Variants in ENOX1 observed in about 807,000 individuals in gnomAD.
ENOX1 encodes the protein candidate growth-related and time keeping constitutive hydroquinone (NADH) oxidase.
Under a neutral mutation model 82.5 loss-of-function variants are expected in ENOX1, and 42 were observed. The ratio of observed to expected loss-of-function variants is 0.51; its 90% CI spans 0.40 to 0.66. The LOEUF (loss-of-function observed/expected upper bound fraction) is 0.66. ENOX1 is among the 30% of genes least tolerant of loss of function. ENOX1 has a pLI of 0.00. For missense variants in ENOX1, 608 were observed against 811.6 expected, an observed-to-expected ratio of 0.75 and a Z score of 3.05; for synonymous variants, 271 against 282.2, an observed-to-expected ratio of 0.96 and a Z score of 0.40.
At chr13:43,676,439 G>T (rs1037225341) in intron 1 of ENOX1, among the ~76,000 whole-genome samples, 5 of 152,044 alleles carry the variant, frequency 3.3e-5, no homozygotes, top group Non-Finnish European at 4.4e-5. Context: ...CATCTACCAG[G>T]CTCTCCCTCA....
At chr13:43,711,174 G>C (rs1332363727) in intron 1 of ENOX1, among the ~76,000 whole-genome samples, 3 of 149,700 alleles carry the variant, frequency 2.0e-5, no homozygotes, top group Non-Finnish European at 4.4e-5. Context: ...GCGGTGTTTG[G>C]TTTTTTGTCC....
chr13:43,462,412 C>A lies in ENOX1; in HGVS notation c.-75+21597G>T, dbSNP rs181257999. On this transcript the variant is annotated intron_variant, in intron 3 of 16. Transcript: ENST00000690772. ...GTATGCAACTCAGGAAGTCAGTTGG[C>A]AAAATTAACATTTAGAAGTAGGCAC... Among the ~76,000 whole-genome samples the A allele has an allele frequency of 2.9e-3, 435 of 152,260 alleles. 1 individual carries two copies. Among genetic ancestry groups the A allele is most frequent in the African/African-American group, 0.01 (419 of 41,558 alleles).
chr13:43,341,929 T>C (rs1594041848), intron 9 of ENOX1, among the ~76,000 whole-genome samples: 1 of 152,216 alleles, frequency 6.6e-6, no homozygotes, highest in African/African-American at 2.4e-5. Context: ...CAAGTTTGCT[T>C]TCTTGCTATA....
intron 5 of ENOX1, among the ~76,000 whole-genome samples, chr13:43,379,901 A>C (rs1057318988): frequency 2.6e-5 from 4 of 151,974 alleles, no homozygotes; most frequent in Admixed American, 6.6e-5. Context: ...ACAAACTCTT[A>C]AGAGCATCCA....
rs17556462 is a variant in ENOX1 at position 43,315,342 on chromosome 13, T to G, written c.1261+7042A>C. On this transcript the variant is annotated intron_variant, in intron 11 of 16. Coordinates refer to ENST00000690772, the MANE Select transcript of ENOX1 (RefSeq NM_001347969.2). ...TCTGCTAGAATCACAGGTGAGCATTTGACAAAATTCATCGATGTTGTAAAG... is the reference window on the plus strand; with the variant it reads ...TCTGCTAGAATCACAGGTGAGCATTGGACAAAATTCATCGATGTTGTAAAG... Among the ~76,000 whole-genome samples, 4 of 152,198 alleles carry G rather than the reference T, an allele frequency of 2.6e-5. No individual in the cohort carries two copies. The East Asian group carries it at 7.7e-4, about 29-fold the overall frequency.
chr13:43,777,985 C>T (rs867433156), intron 1 of ENOX1, among the ~76,000 whole-genome samples: 15 of 152,340 alleles, frequency 9.8e-5, no homozygotes, highest in Middle Eastern at 6.8e-3. Flanking sequence ...ACTGTCAGCA[C>T]TCTTTTGTTC....
intron 2 of ENOX1, among the ~76,000 whole-genome samples, chr13:43,542,633 A>G (rs1471709783): frequency 6.6e-6 from 1 of 151,858 alleles, no homozygotes; most frequent in East Asian, 1.9e-4. Context: ...ATGGGGTTTC[A>G]CCGTGTTGCC....
At chr13:43,687,376 A>G (rs1305240826) in intron 1 of ENOX1, among the ~76,000 whole-genome samples, 1 of 152,118 alleles carries the variant, frequency 6.6e-6, no homozygotes, top group African/African-American at 2.4e-5. Flanking sequence ...GTCAATCTGG[A>G]GTATTGGGTG....
chr13:43,396,574 T>G (rs527545755), intron 5 of ENOX1, among the ~76,000 whole-genome samples: 20 of 152,074 alleles, frequency 1.3e-4, no homozygotes, highest in Non-Finnish European at 2.8e-4. Flanking sequence ...AGAGACACGG[T>G]TTCACCATGT....
intron 2 of ENOX1, among the ~76,000 whole-genome samples, chr13:43,607,918 G>A (rs1485724107): frequency 6.6e-6 from 1 of 152,182 alleles, no homozygotes; most frequent in African/African-American, 2.4e-5. Flanking sequence ...GGTAATATCT[G>A]TCTAATCCTC....
rs143371075 is a variant in ENOX1, at chr13:43,474,192, C to T, written c.-75+9817G>A. On this transcript the variant is annotated intron_variant, in intron 3 of 16. Transcript: ENST00000690772. ...ATTAGATATTCGTGAAGCAAGATAG[C>T]GAGGGTTTTTGTTGTTGTTGAGGTT... 1.7e-3 allele frequency among the ~76,000 whole-genome samples: 264 copies of T among 152,088 alleles called. 4 individuals carry two copies. Among genetic ancestry groups the T allele is most frequent in the African/African-American group, 6.1e-3 (254 of 41,500 alleles).
Position 43,753,399 on chromosome 13 carries a change from C to A in ENOX1, c.-285+33253G>T, listed in dbSNP as rs116876515. On this transcript the variant is annotated intron_variant, in intron 1 of 16. Transcript: ENST00000690772. ...TCTGCACATTCTTGTCAGATGTATC[C>A]CTAAGTATTTCGTATTTTTGATACT... Among the ~76,000 whole-genome samples the A allele has an allele frequency of 1.7e-3, 257 of 152,098 alleles. 1 individual carries two copies. The highest frequency in any genetic ancestry group is 0.014 in the East Asian group (73 of 5,178).
intron 1 of ENOX1, among the ~76,000 whole-genome samples, chr13:43,683,559 A>G (rs2153799145): frequency 1.3e-5 from 2 of 152,224 alleles, no homozygotes; most frequent in East Asian, 3.9e-4. Context: ...TCCCAAGATG[A>G]AACAGCCACA....
intron 14 of ENOX1, among the ~76,000 whole-genome samples, chr13:43,249,423 C>T (rs76058710): frequency 0.019 from 2,866 of 152,194 alleles, 28 homozygotes; most frequent in Non-Finnish European, 0.025. Context: ...ACTAGAGCAG[C>T]AAACAGAAGA....
At chr13:43,757,045 G>C (rs1365539774) in intron 1 of ENOX1, among the ~76,000 whole-genome samples, 1 of 145,842 alleles carries the variant, frequency 6.9e-6, no homozygotes, top group Non-Finnish European at 1.5e-5. Flanking sequence ...TCTTAACATA[G>C]ACATATAATA....
At chr13:43,664,387 A>G (rs1594318558) in intron 2 of ENOX1, among the ~76,000 whole-genome samples, 1 of 152,218 alleles carries the variant, frequency 6.6e-6, no homozygotes, top group Non-Finnish European at 1.5e-5. Flanking sequence ...TTTCTCCTTA[A>G]TAATAGAGAA....
intron 16 of ENOX1, 43 bp downstream of exon 16, chr13:43,224,010 C>T (rs749847183): frequency 6.7e-7 from 1 of 1,490,668 alleles, no homozygotes. Flanking sequence ...AATCAACATG[C>T]TAAATTTGAG....
chr13:43,305,807 T>C (rs571332393), intron 11 of ENOX1, among the ~76,000 whole-genome samples: 11 of 152,322 alleles, frequency 7.2e-5, no homozygotes, highest in Admixed American at 3.9e-4. Flanking sequence ...AAGTCTGTCA[T>C]TTAAAACACT....
At chr13:43,267,402 C>G (rs1159642217) in intron 13 of ENOX1, among the ~76,000 whole-genome samples, 1 of 152,194 alleles carries the variant, frequency 6.6e-6, no homozygotes, top group Non-Finnish European at 1.5e-5. Flanking sequence ...GCGTGGCCTT[C>G]CCTGGAGGGG....
Sources: allele counts gnomAD v4.1 joint callset (sites outside exome capture counted in the v4.1 genomes callset), GRCh38; gene constraint gnomAD v4.1.1; transcripts MANE v1.5; gene names NCBI Gene and HGNC (gene_info 2026-07-23, HGNC 2026-07-21).